The following ADAMTS16 variants were observed in gnomAD, a reference collection of about 807,000 sequenced individuals.
ADAMTS16 encodes A disintegrin and metalloproteinase with thrombospondin motifs 16.
In ADAMTS16, 94 loss-of-function variants were observed where a neutral mutation model predicts 145.8. The ratio of observed to expected loss-of-function variants is 0.64; its 90% confidence interval spans 0.55 to 0.77. ADAMTS16 has a LOEUF of 0.77. Among genes scored for constraint, ADAMTS16 ranks in the 30% least tolerant of loss-of-function variants. ADAMTS16 has a pLI of 0.00. For synonymous variants in ADAMTS16, 659 were observed against 604.3 expected (o/e 1.09, Z -1.33); for missense variants, 1,585 against 1,591.5 (o/e 1.00, Z 0.07).
rs145851675 is a variant in ADAMTS16 at position 5,319,072 on chromosome 5, C to A, written c.3609C>A (p.His1203Gln). ...ACTGGTGCTACCTGGTACCCCAGCACGGGATGTGCAGCCACAAGTTCTACG... is the reference window on the plus strand; with the variant it reads ...ACTGGTGCTACCTGGTACCCCAGCAAGGGATGTGCAGCCACAAGTTCTACG... ...YFHWCYLVPQ[H>Q]GMCSHKFYGK... Residue 1203 changes from histidine to glutamine, a missense_variant, in exon 23 of 23, where the codon CAC becomes CAA. By Grantham distance (24) the His-to-Gln change is conservative. Coordinates refer to ENST00000274181, the MANE Select transcript of ADAMTS16 (RefSeq NM_139056.4). 1,182 of 1,613,554 alleles carry A rather than the reference C, an allele frequency of 7.3e-4. 1 individual carries two copies. The highest frequency in any genetic ancestry group is 9.5e-4 in the Non-Finnish European group (1,122 of 1,179,838).
intron 21 of ADAMTS16, among the ~76,000 whole-genome samples, chr5:5,313,272 G>A (rs1740529329): frequency 1.3e-5 from 2 of 152,188 alleles, no homozygotes; most frequent in Non-Finnish European, 1.5e-5. Flanking sequence ...ATTGTCAGAC[G>A]GTAATGAATG....
At position 5,215,712 on chromosome 5, in the gene ADAMTS16, A is replaced by ATATG. The variant is rs1272789843; in HGVS notation, c.1605+6467_1605+6468insATGT. 3.3e-4 allele frequency among the ~76,000 whole-genome samples: 36 copies of ATATG among 109,614 alleles called. 1 individual carries two copies. The highest frequency in any genetic ancestry group is 1.6e-3 in the African/African-American group (33 of 20,226). The allele number at this position is 109,614 out of a possible 152,430, so 71.9% of individuals were successfully genotyped here. On this transcript the variant is annotated intron_variant, in intron 10 of 22. Coordinates refer to ENST00000274181, the MANE Select transcript of ADAMTS16 (RefSeq NM_139056.4). ...TATTCCATTACATATATATATATAT[A>ATATG]TGTGGTATATATATATGTGGTATAT...
At chr5:5,204,273 ATGT>A (rs1736032383) in intron 9 of ADAMTS16, among the ~76,000 whole-genome samples, 1 of 152,186 alleles carries the variant, frequency 6.6e-6, no homozygotes. Flanking sequence ...GGATTTTGAA[ATGT>A]TGTAATGATA....
At chr5:5,272,980 G>T (rs991734642) in intron 18 of ADAMTS16, among the ~76,000 whole-genome samples, 3 of 152,116 alleles carry the variant, frequency 2.0e-5, no homozygotes, top group African/African-American at 7.2e-5. Flanking sequence ...CTTGCAGGGG[G>T]AAGAAGTAAC....
intron 4 of ADAMTS16, among the ~76,000 whole-genome samples, chr5:5,184,213 A>G (rs578145890): frequency 1.3e-5 from 2 of 151,984 alleles, no homozygotes; most frequent in African/African-American, 4.8e-5. Flanking sequence ...GCATGGATGC[A>G]CTGCACCCCC....
In ADAMTS16 at chr5:5,303,295, C is replaced by A; in HGVS notation, c.2817C>A (p.Cys939Ter). ...GGTCCGTGGGGAACTGGAGTGCCTG[C>A]AGTCGGACGTGTGGCGGGGGTGCCC... ...PSWSVGNWSACSRTCGGGAQS... is the reference protein window; with the variant it reads ...PSWSVGNWSA The change falls in exon 19 of 23, where the codon TGC (cysteine) becomes TGA (stop). Residue 939 changes from cysteine (C) to a stop codon, truncating the protein, a stop_gained. Coordinates refer to ENST00000274181, the MANE Select transcript of ADAMTS16 (RefSeq NM_139056.4). LOFTEE classifies it high-confidence loss of function. 2 of 1,588,976 alleles carry A rather than the reference C, an allele frequency of 1.3e-6. No homozygotes were observed. Among genetic ancestry groups the A allele is most frequent in the South Asian group, 1.1e-5 (1 of 87,812 alleles).
chr5:5,275,553 T>C (rs892262767), intron 18 of ADAMTS16, among the ~76,000 whole-genome samples: 3 of 152,310 alleles, frequency 2.0e-5, no homozygotes, highest in African/African-American at 7.2e-5. Flanking sequence ...GTTTTTCCAT[T>C]TTTTCTCTTA....
At chr5:5,156,204 T>C (rs1734597810) in intron 3 of ADAMTS16, among the ~76,000 whole-genome samples, 1 of 152,136 alleles carries the variant, frequency 6.6e-6, no homozygotes, top group African/African-American at 2.4e-5. Context: ...AAGGGAGAAC[T>C]TTGAGTTGAG....
chr5:5,201,916 TTTG>T (rs1735969901), intron 9 of ADAMTS16, among the ~76,000 whole-genome samples: 1 of 152,190 alleles, frequency 6.6e-6, no homozygotes, highest in Non-Finnish European at 1.5e-5. Flanking sequence ...CTACCTTTTT[TTTG>T]TTTTCTTTCT....
chr5:5,238,377 CATTA>C (rs1737176756), intron 14 of ADAMTS16, among the ~76,000 whole-genome samples: 1 of 152,152 alleles, frequency 6.6e-6, no homozygotes, highest in Non-Finnish European at 1.5e-5. Context: ...ACTATAGAAA[CATTA>C]ATTAGTTAAT....
At chr5:5,244,853 G>A (rs994275765) in intron 17 of ADAMTS16, among the ~76,000 whole-genome samples, 4 of 152,174 alleles carry the variant, frequency 2.6e-5, no homozygotes, top group Non-Finnish European at 4.4e-5. Context: ...CGGTGCTCAT[G>A]TTTCATGGCC....
intron 6 of ADAMTS16, among the ~76,000 whole-genome samples, chr5:5,189,010 G>T (rs1560065): frequency 4.6e-5 from 7 of 152,038 alleles, no homozygotes; most frequent in Non-Finnish European, 8.8e-5. Context: ...GCTAAAGAAC[G>T]CAAGGCTTGC....
chr5:5,247,843 T>C (rs1737498650), intron 17 of ADAMTS16, among the ~76,000 whole-genome samples: 1 of 152,244 alleles, frequency 6.6e-6, no homozygotes, highest in South Asian at 2.1e-4. Context: ...GTAAGACATG[T>C]GAAGGTGCCT....
rs776622720 is a variant in ADAMTS16, at chr5:5,182,073, T to C, written c.531T>C (p.Asp177=). The C allele has an allele frequency of 9.9e-6, 16 of 1,613,006 alleles. No individual in the cohort carries two copies. Among genetic ancestry groups the C allele is most frequent in the Non-Finnish European group, 1.4e-5 (16 of 1,179,696 alleles). ...GCATGATACGAACAGAAGAGGCAGA[T>C]TACTTCCTAAGGCCACTTCCTTCAC... is the stretch of plus-strand genomic sequence containing the variant. The part of the protein sequence containing the change: ...LSGMIRTEEA[D]YFLRPLPSHL... The change falls in exon 4 of 23, where the codon GAT becomes GAC. Residue 177 remains aspartate (D), a synonymous_variant. Coordinates refer to ENST00000274181, the MANE Select transcript of ADAMTS16 (RefSeq NM_139056.4).
chr5:5,299,535 AG>A (rs1375833808), intron 18 of ADAMTS16, among the ~76,000 whole-genome samples: 1 of 152,052 alleles, frequency 6.6e-6, no homozygotes, highest in Admixed American at 6.5e-5. Context: ...AATGGGGAAG[AG>A]GGAGTCATTT....
intron 17 of ADAMTS16, 100 bp downstream of exon 17, chr5:5,242,291 G>A: frequency 6.9e-7 from 1 of 1,449,126 alleles, no homozygotes; most frequent in South Asian, 1.4e-5. Flanking sequence ...GCAGCCCGGG[G>A]CTTCTCCCTG....
At chr5:5,236,420 C>G (rs954584407) in intron 13 of ADAMTS16, among the ~76,000 whole-genome samples, 1 of 152,072 alleles carries the variant, frequency 6.6e-6, no homozygotes, top group Non-Finnish European at 1.5e-5. Flanking sequence ...CTTCCTATTT[C>G]TCTAGGTACC....
In ADAMTS16 at chr5:5,310,854, T is replaced by C. The variant is rs892408606; in HGVS notation, c.3411+4126T>C. On this transcript the variant is annotated intron_variant, in intron 21 of 22. Coordinates refer to ENST00000274181, the MANE Select transcript of ADAMTS16 (RefSeq NM_139056.4). This position sits in a 1 kb window ranked among gnomAD's most constrained non-coding sequence, Gnocchi z 4.3. ...AGGGAACTCACATGGGTGTTATTTG[T>C]GTCCTTGTCTCATTTTGTCTGTTCC... Among the ~76,000 whole-genome samples, 1 of 152,218 alleles carries C rather than the reference T, an allele frequency of 6.6e-6. No homozygotes were observed. Among genetic ancestry groups the C allele is most frequent in the East Asian group, 1.9e-4 (1 of 5,190 alleles).
intron 10 of ADAMTS16, among the ~76,000 whole-genome samples, chr5:5,220,319 C>G (rs6878144): frequency 4.0e-5 from 6 of 149,024 alleles, no homozygotes; most frequent in African/African-American, 1.5e-4. Flanking sequence ...GCCACCACGC[C>G]TGGCTAATTT....
Sources: gnomAD v4.1 joint callset for allele counts (sites outside exome capture counted in the v4.1 genomes callset) on GRCh38, gnomAD v4.1.1 for gene constraint, Gnocchi (gnomAD v3.1) non-coding constraint, MANE v1.5 for transcripts, NCBI Gene and HGNC (gene_info 2026-07-23, HGNC 2026-07-21) for gene names.